TMEM161B: variants seen among roughly 807,000 people sequenced by gnomAD.
The protein encoded by TMEM161B is transmembrane protein 161B.
A neutral mutation model predicts 61.8 loss-of-function variants in TMEM161B; 34 were observed. The ratio of observed to expected loss-of-function variants is 0.55; its 90% CI spans 0.42 to 0.73. TMEM161B has a LOEUF of 0.73. Among genes scored for constraint, TMEM161B ranks in the 30% least tolerant of loss-of-function variants. The pLI is 0.00. For missense variants in TMEM161B, 456 were observed against 558.5 expected, an observed-to-expected ratio of 0.82 and a Z score of 1.85; for synonymous variants, 167 against 192.8, an observed-to-expected ratio of 0.87 and a Z score of 1.11.
chr5:88,250,236 G>C (rs1482139759), intron 1 of TMEM161B, among the ~76,000 whole-genome samples: 1 of 151,964 alleles, frequency 6.6e-6, no homozygotes, highest in African/African-American at 2.4e-5. Context: ...AGCCTGGCTG[G>C]TAAGAAATTC....
intron 4 of TMEM161B, chr5:88,221,880 C>A: frequency 2.6e-6 from 1 of 383,662 alleles, no homozygotes; most frequent in Non-Finnish European, 5.3e-6. Flanking sequence ...TGCAATTACA[C>A]TTGAAGATAC....
intron 4 of TMEM161B, among the ~76,000 whole-genome samples, chr5:88,224,749 C>T (rs928231410): frequency 1.1e-4 from 16 of 152,148 alleles, no homozygotes; most frequent in Non-Finnish European, 2.2e-4. Context: ...TCTGCCACCC[C>T]TGACCAGCAA....
At chr5:88,200,444 C>CT (rs965995501) in intron 9 of TMEM161B, 18 of 152,114 alleles carry the variant, frequency 1.2e-4, no homozygotes, top group African/African-American at 4.1e-4. Flanking sequence ...ACTGTGCTCC[C>CT]TCCAGTTGTG....
intron 1 of TMEM161B, among the ~76,000 whole-genome samples, chr5:88,253,229 G>A (rs866018148): frequency 3.3e-5 from 5 of 152,092 alleles, no homozygotes; most frequent in African/African-American, 9.7e-5. Flanking sequence ...CATGGGTCCT[G>A]GAGGGAATAC....
chr5:88,189,927 T>C (rs1748613424), exon 13 of TMEM161B: 2 of 621,354 alleles, frequency 3.2e-6, no homozygotes, highest in Admixed American at 2.5e-5. Context: ...CTGAGGCCAG[T>C]AGGCAGCATG....
intron 1 of TMEM161B, among the ~76,000 whole-genome samples, chr5:88,243,374 G>C (rs1580650178): frequency 2.0e-5 from 3 of 151,830 alleles, no homozygotes; most frequent in Non-Finnish European, 4.4e-5. Context: ...GTTTGCTTAG[G>C]ATAAAGGCCT....
intron 2 of TMEM161B, among the ~76,000 whole-genome samples, chr5:88,235,756 T>C (rs534168435): frequency 2.0e-5 from 3 of 152,328 alleles, no homozygotes; most frequent in South Asian, 2.1e-4. Context: ...ATGACAGTTT[T>C]AGTCTCCATT....
intron 3 of TMEM161B, among the ~76,000 whole-genome samples, chr5:88,226,249 A>T (rs918072288): frequency 1.3e-5 from 2 of 152,194 alleles, no homozygotes; most frequent in Admixed American, 6.5e-5. Flanking sequence ...ACACACACAC[A>T]CATACATATA....
intron 5 of TMEM161B, among the ~76,000 whole-genome samples, chr5:88,219,889 CA>C (rs1383720598): frequency 2.0e-5 from 3 of 151,802 alleles, no homozygotes; most frequent in South Asian, 2.1e-4. Context: ...GAGATCTAGA[CA>C]GGGGTAGAGG....
intron 5 of TMEM161B, 34 bp from the exon 6 acceptor site, chr5:88,207,214 A>G: frequency 6.3e-7 from 1 of 1,583,266 alleles, no homozygotes; most frequent in Non-Finnish European, 8.6e-7. Context: ...AAACCACAAT[A>G]AATTTATAGG....
chr5:88,218,597 A>G (rs1748349623), intron 5 of TMEM161B, among the ~76,000 whole-genome samples: 2 of 152,218 alleles, frequency 1.3e-5, no homozygotes, highest in Admixed American at 6.5e-5. Context: ...AGCCTGGGCA[A>G]GCTGGGGAGA....
intron 3 of TMEM161B, among the ~76,000 whole-genome samples, chr5:88,227,883 C>G (rs1486970365): frequency 6.6e-6 from 1 of 152,114 alleles, no homozygotes; most frequent in African/African-American, 2.4e-5. Flanking sequence ...TTATTCAAAA[C>G]ATTGTTTTGT....
chr5:88,237,208 GTAT>G (rs1751995893), intron 2 of TMEM161B, among the ~76,000 whole-genome samples: 1 of 152,104 alleles, frequency 6.6e-6, no homozygotes, highest in Non-Finnish European at 1.5e-5. Context: ...TATACCATAA[GTAT>G]TATTTCCCAG....
chr5:88,216,213 A>C (rs33712), intron 5 of TMEM161B, among the ~76,000 whole-genome samples: 47,162 of 152,090 alleles, frequency 0.31, 8,826 homozygotes, highest in African/African-American at 0.51. Context: ...GCAACTGCAC[A>C]ACAACTTGGG....
intron 3 of TMEM161B, among the ~76,000 whole-genome samples, chr5:88,226,980 A>G (rs1750159562): frequency 6.6e-6 from 1 of 151,920 alleles, no homozygotes; most frequent in South Asian, 2.1e-4. Flanking sequence ...TTTAAAAACT[A>G]GCTGGGTATG....
chr5:88,238,402 A>G (rs990802683), intron 2 of TMEM161B, among the ~76,000 whole-genome samples: 1 of 152,118 alleles, frequency 6.6e-6, no homozygotes, highest in Non-Finnish European at 1.5e-5. Flanking sequence ...GAATATTAAC[A>G]TGATATACAC....
rs1401431178 is a variant in TMEM161B at position 88,206,042 on chromosome 5, TAAC to T, written c.660-91_660-89del. 13 of 1,074,070 alleles carry T rather than the reference TAAC, an allele frequency of 1.2e-5. 1 individual carries two copies. In the East Asian group the frequency reaches 3.4e-4, roughly 28 times the overall value. 66.5% of individuals were successfully genotyped at this position (1,074,070 alleles called of 1,614,324 possible). On this transcript the variant is annotated intron_variant, in intron 7 of 11. Transcript: ENST00000296595. The stretch of plus-strand genomic sequence containing the variant: ...TTCTTCTAATCAATTATCTTACAAA[TAAC>T]AATAACAGTAAAACAAAGCAAATTT...
intron 2 of TMEM161B, among the ~76,000 whole-genome samples, chr5:88,234,141 A>T (rs1428797438): frequency 6.7e-6 from 1 of 150,156 alleles, no homozygotes; most frequent in Non-Finnish European, 1.5e-5. Context: ...GGAGAAGTTT[A>T]AAAAAAAAGT....
chr5:88,201,054 C>CA (rs3832337), intron 9 of TMEM161B: 76,042 of 151,586 alleles, frequency 0.5, 21,676 homozygotes, highest in East Asian at 0.77. Flanking sequence ...AGATTTTTAA[C>CA]AAAAATTAAA....
Sources: allele counts gnomAD v4.1 joint callset (sites outside exome capture counted in the v4.1 genomes callset), GRCh38; gene constraint gnomAD v4.1.1; transcripts MANE v1.5; gene names NCBI Gene and HGNC (gene_info 2026-07-23, HGNC 2026-07-21).